Variants in LPP observed in about 807,000 individuals in gnomAD.
The protein encoded by LPP is lipoma-preferred partner.
A neutral mutation model predicts 60.4 loss-of-function variants in LPP; 38 were observed. The observed-to-expected ratio is 0.63, with a 90% confidence interval of 0.49 to 0.83. The LOEUF is 0.83. Ranked by LOEUF, LPP falls within the 40% of genes least tolerant of loss-of-function variation. The probability of loss-of-function intolerance (pLI) is 0.00; values close to 1 mark genes in which losing one functional copy is unlikely to be tolerated. For missense variants in LPP, 902 were observed against 783.6 expected, an observed-to-expected ratio of 1.15 and a Z score of -1.80; for synonymous variants, 328 against 290.8, an observed-to-expected ratio of 1.13 and a Z score of -1.30.
rs570308613 is a variant in LPP at position 188,669,570 on chromosome 3, C to T, written c.1114-38697C>T. ...CAGCCTGGGTGACAGAGCAAGACTC[C>T]ATCTCAAAAAAATAAAAAATAAAAG... On this transcript the variant is annotated intron_variant, in intron 7 of 11. Transcript: ENST00000617246. Among the ~76,000 whole-genome samples the T allele has an allele frequency of 2.0e-5, 3 of 151,994 alleles. No homozygotes were observed. The South Asian group carries it at 6.2e-4, about 32-fold the overall frequency.
chr3:188,426,584 T>C (rs1461810694), intron 4 of LPP, among the ~76,000 whole-genome samples: 2 of 151,978 alleles, frequency 1.3e-5, no homozygotes, highest in African/African-American at 4.8e-5. Context: ...TATGTAGGAG[T>C]CTTAGTCTCT....
chr3:188,329,886 CTAAAT>C (rs1269278805), intron 2 of LPP, among the ~76,000 whole-genome samples: 1 of 152,102 alleles, frequency 6.6e-6, no homozygotes, highest in Non-Finnish European at 1.5e-5. Context: ...CATTCTTTAC[CTAAAT>C]TAAAGTTGTT....
intron 1 of LPP, among the ~76,000 whole-genome samples, chr3:188,187,676 C>T (rs1242140483): frequency 6.6e-6 from 1 of 151,982 alleles, no homozygotes; most frequent in Non-Finnish European, 1.5e-5. Flanking sequence ...ATTTCTTACG[C>T]AGTTTCCCCC....
chr3:188,531,390 G>A (rs1333443046), intron 6 of LPP, among the ~76,000 whole-genome samples: 1 of 151,766 alleles, frequency 6.6e-6, no homozygotes, highest in East Asian at 1.9e-4. Context: ...GAATTCTGTG[G>A]AATTTCCTGA....
intron 9 of LPP, among the ~76,000 whole-genome samples, chr3:188,771,305 T>C (rs1300941571): frequency 2.6e-5 from 4 of 151,688 alleles, no homozygotes; most frequent in Non-Finnish European, 5.9e-5. Context: ...TCCCAGCACG[T>C]TGGGAGGCCG....
intron 6 of LPP, among the ~76,000 whole-genome samples, chr3:188,550,128 A>G (rs192074374): frequency 2.6e-5 from 4 of 152,314 alleles, no homozygotes; most frequent in East Asian, 3.9e-4. Context: ...TTCAAAGCCA[A>G]TCTTACAGAA....
intron 9 of LPP, among the ~76,000 whole-genome samples, chr3:188,773,987 G>A (rs1172240316): frequency 6.6e-6 from 1 of 152,164 alleles, no homozygotes; most frequent in Non-Finnish European, 1.5e-5. Flanking sequence ...CAACAGACAA[G>A]TGGAGACTGA....
chr3:188,592,551 G>GTTTTGTTTTTTTTTTTTTTTTTTT, intron 6 of LPP, among the ~76,000 whole-genome samples: 1 of 98,214 alleles, frequency 1.0e-5, no homozygotes, highest in Non-Finnish European at 2.3e-5. Flanking sequence ...TTTTAGTTTT[G>GTTTTGTTTTTTTTTTTTTTTTTTT]TTTTTGTTTT....
At chr3:188,811,213 A>G (rs1750843462) in intron 9 of LPP, among the ~76,000 whole-genome samples, 1 of 152,230 alleles carries the variant, frequency 6.6e-6, no homozygotes, top group East Asian at 1.9e-4. Context: ...AGACTGTAAC[A>G]TAAGAGAACT....
At chr3:188,374,720 C>G (rs1265778890) in intron 3 of LPP, among the ~76,000 whole-genome samples, 1 of 152,108 alleles carries the variant, frequency 6.6e-6, no homozygotes, top group Non-Finnish European at 1.5e-5. Context: ...CCTGATTGCC[C>G]TGGCCAGAAC....
At chr3:188,862,278 G>T (rs952139209) in intron 9 of LPP, among the ~76,000 whole-genome samples, 10 of 152,152 alleles carry the variant, frequency 6.6e-5, no homozygotes, top group Admixed American at 3.9e-4. Flanking sequence ...GAGGAGAGAG[G>T]AGTGATTGCA....
chr3:188,177,772 T>C (rs1723500366), intron 1 of LPP, among the ~76,000 whole-genome samples: 1 of 152,122 alleles, frequency 6.6e-6, no homozygotes, highest in Non-Finnish European at 1.5e-5. Flanking sequence ...AGTGTTTTTA[T>C]TACAGGGAAA....
At chr3:188,403,979 G>C (rs779325262) in intron 3 of LPP, among the ~76,000 whole-genome samples, 14 of 152,144 alleles carry the variant, frequency 9.2e-5, no homozygotes, top group Non-Finnish European at 1.9e-4. Context: ...TGAAAAGCCA[G>C]TACCATCACT....
intron 2 of LPP, among the ~76,000 whole-genome samples, chr3:188,226,395 G>A (rs569111036): frequency 3.9e-4 from 59 of 152,262 alleles, no homozygotes; most frequent in African/African-American, 1.4e-3. Flanking sequence ...TAAAGGGCCT[G>A]CCAGAGCTCC....
chr3:188,666,572 A>G (rs1855844319), intron 7 of LPP, among the ~76,000 whole-genome samples: 2 of 152,250 alleles, frequency 1.3e-5, no homozygotes, highest in African/African-American at 4.8e-5. Context: ...TCTTTGGGAA[A>G]TAGAATATAC....
intron 4 of LPP, among the ~76,000 whole-genome samples, chr3:188,452,274 T>G (rs1035574713): frequency 2.0e-5 from 3 of 152,174 alleles, no homozygotes; most frequent in African/African-American, 7.2e-5. Flanking sequence ...CTGAGCATTA[T>G]ATTATGTGTT....
chr3:188,706,288 G>A (rs944920085), intron 7 of LPP, among the ~76,000 whole-genome samples: 9 of 152,194 alleles, frequency 5.9e-5, no homozygotes, highest in Non-Finnish European at 1.2e-4. Flanking sequence ...GAGGAGATTA[G>A]CATAATGGTT....
chr3:188,240,281 A>C (rs561298117), intron 2 of LPP: 1 of 169,952 alleles, frequency 5.9e-6, no homozygotes, highest in East Asian at 1.1e-4. Flanking sequence ...ATGGGTAGGA[A>C]TAGCTTACAG....
intron 7 of LPP, among the ~76,000 whole-genome samples, chr3:188,684,865 G>T (rs1007615907): frequency 6.6e-6 from 1 of 152,090 alleles, no homozygotes; most frequent in African/African-American, 2.4e-5. Context: ...TATTCAATTG[G>T]CAGAATTAAT....
Sources: allele counts gnomAD v4.1 joint callset (sites outside exome capture counted in the v4.1 genomes callset), GRCh38; gene constraint gnomAD v4.1.1; transcripts MANE v1.5; gene names NCBI Gene and HGNC (gene_info 2026-07-23, HGNC 2026-07-21).